Variants in COL4A1 observed in about 807,000 individuals in gnomAD.
COL4A1 encodes collagen alpha-1(IV) chain.
A neutral mutation model predicts 216.6 loss-of-function variants in COL4A1; 40 were observed. The ratio of observed to expected loss-of-function variants is 0.18; its 90% CI spans 0.14 to 0.24. The LOEUF (loss-of-function observed/expected upper bound fraction) is 0.24, where lower values mean the gene tolerates loss of function less well. Among genes scored for constraint, COL4A1 ranks in the 10% least tolerant of loss-of-function variants. The probability of loss-of-function intolerance (pLI) is 1.00; values close to 1 mark genes in which losing one functional copy is unlikely to be tolerated. For missense variants in COL4A1, 1,628 were observed against 2,196.8 expected, an observed-to-expected ratio of 0.74 and a Z score of 5.18; for synonymous variants, 839 against 810.7, an observed-to-expected ratio of 1.03 and a Z score of -0.59.
chr13:110,232,584 C>T (rs186012366), intron 2 of COL4A1, among the ~76,000 whole-genome samples: 24 of 152,248 alleles, frequency 1.6e-4, no homozygotes, highest in African/African-American at 4.1e-4. Flanking sequence ...GAAAAGAAAG[C>T]TATTTTCCTG....
intron 1 of COL4A1, among the ~76,000 whole-genome samples, chr13:110,272,208 T>C (rs966632093): frequency 2.0e-5 from 3 of 152,240 alleles, no homozygotes; most frequent in Admixed American, 1.3e-4. Context: ...GAACTAAAAG[T>C]CAGACCTCTT....
At chr13:110,304,238 C>G (rs1246153045) in intron 1 of COL4A1, among the ~76,000 whole-genome samples, 1 of 152,152 alleles carries the variant, frequency 6.6e-6, no homozygotes, top group Admixed American at 6.5e-5. Flanking sequence ...GGGACTGATT[C>G]AGAAACCAGC....
chr13:110,187,220 G>T lies in COL4A1; in HGVS notation c.1646C>A (p.Pro549Gln), dbSNP rs1372322974. ...TCTCCCTGGCATGCCGGGCTGTCCT[G>T]GAAAGCCTGGGTCTCCTTTGTCACC... ...LKGDKGDPGF[P>Q]GQPGMPGRAG... is the part of the protein sequence containing the mutation. Residue 549 changes from proline to glutamine, a missense_variant, in exon 25 of 52, where the codon CCA becomes CAA. This residue lies in a region of COL4A1 where 701 missense variants were observed against 892.5 expected (regional missense o/e 0.79). Coordinates refer to ENST00000375820, the MANE Select transcript of COL4A1 (RefSeq NM_001845.6). 6.2e-7 allele frequency: 1 copy of T among 1,613,944 alleles called. No homozygotes were observed. Among genetic ancestry groups the T allele is most frequent in the Non-Finnish European group, 8.5e-7 (1 of 1,179,916 alleles).
chr13:110,264,691 A>G (rs1328243711), intron 1 of COL4A1, among the ~76,000 whole-genome samples: 2 of 152,164 alleles, frequency 1.3e-5, no homozygotes, highest in Admixed American at 6.5e-5. Flanking sequence ...AAAGTATTAA[A>G]TAATATTCTC....
At chr13:110,201,301 CGGAGGAAGAGAAGGAGGGGGA>C (rs755546544) in intron 19 of COL4A1, 116 bp downstream of exon 19, 9 of 427,220 alleles carry the variant, frequency 2.1e-5, no homozygotes, top group African/African-American at 7.6e-5. Flanking sequence ...AAGGAGGGGG[CGGAGGAAGAGAAGGAGGGGGA>C]GGAGGAAGGA....
intron 1 of COL4A1, among the ~76,000 whole-genome samples, chr13:110,254,008 A>C (rs926850448): frequency 3.3e-5 from 5 of 152,078 alleles, no homozygotes; most frequent in Non-Finnish European, 7.4e-5. Context: ...GCTCCAAAAT[A>C]TAAAACTTTT....
At chr13:110,219,858 A>G (rs201914445) in intron 2 of COL4A1, among the ~76,000 whole-genome samples, 4 of 88,456 alleles carry the variant, frequency 4.5e-5, no homozygotes, top group African/African-American at 9.1e-5. Context: ...ATATATATGT[A>G]TATATGTGTG....
chr13:110,210,847 C>T (rs961502226), intron 8 of COL4A1, among the ~76,000 whole-genome samples: 1 of 152,164 alleles, frequency 6.6e-6, no homozygotes, highest in Non-Finnish European at 1.5e-5. Flanking sequence ...TCTGCCCACA[C>T]ACCACCTTCA....
At chr13:110,257,419 C>G (rs527707349) in intron 1 of COL4A1, among the ~76,000 whole-genome samples, 1 of 152,284 alleles carries the variant, frequency 6.6e-6, no homozygotes, top group East Asian at 1.9e-4. Flanking sequence ...GGCTGGTAAA[C>G]CAAAAATGCT....
intron 2 of COL4A1, among the ~76,000 whole-genome samples, chr13:110,216,008 A>G (rs1880055018): frequency 6.6e-6 from 1 of 152,228 alleles, no homozygotes; most frequent in African/African-American, 2.4e-5. Flanking sequence ...GTGGATAAAT[A>G]TGGGAGAGAT....
chr13:110,291,963 G>A (rs1884107064), intron 1 of COL4A1, among the ~76,000 whole-genome samples: 1 of 152,214 alleles, frequency 6.6e-6, no homozygotes, highest in Non-Finnish European at 1.5e-5. Context: ...AAACCAAAAT[G>A]CAGCTGAGAA....
Position 110,207,682 on chromosome 13 carries a change from A to G in COL4A1, c.694-193T>C, listed in dbSNP as rs1221300253. On this transcript the variant is annotated intron_variant, in intron 12 of 51. Coordinates refer to ENST00000375820, the MANE Select transcript of COL4A1 (RefSeq NM_001845.6). This position sits in a 1 kb window ranked among gnomAD's most constrained non-coding sequence, Gnocchi z 4.4. ...GGAAGATGATACAACAAGTATCTAA[A>G]CCCAGGAGGAGAATTTCACTTCTTC... 1.3e-5 allele frequency among the ~76,000 whole-genome samples: 2 copies of G among 152,324 alleles called. No individual in the cohort carries two copies. The highest frequency in any genetic ancestry group is 2.1e-4 in the South Asian group (1 of 4,824).
chr13:110,171,814 A>G (rs1877655188), intron 41 of COL4A1, among the ~76,000 whole-genome samples: 1 of 152,148 alleles, frequency 6.6e-6, no homozygotes, highest in African/African-American at 2.4e-5. Context: ...GCCCACAGCG[A>G]CCCCTTGAGC....
At chr13:110,162,487 T>C (rs1566340634) in intron 47 of COL4A1, 45 bp from the exon 48 acceptor site, 6 of 1,332,970 alleles carry the variant, frequency 4.5e-6, no homozygotes, top group Non-Finnish European at 6.5e-6. Context: ...ACAAACACGC[T>C]CCCCTAAAGG....
At chr13:110,306,651 G>A (rs948484035) in intron 1 of COL4A1, among the ~76,000 whole-genome samples, 8 of 152,168 alleles carry the variant, frequency 5.3e-5, no homozygotes, top group Non-Finnish European at 1.0e-4. Context: ...TTCAAATCCC[G>A]CCGGCTCCCA....
chr13:110,158,123 G>C (rs2138423872), intron 49 of COL4A1, among the ~76,000 whole-genome samples: 1 of 152,320 alleles, frequency 6.6e-6, no homozygotes. Context: ...GTCAATATCT[G>C]GCAGCCACTC....
chr13:110,229,115 C>T (rs754736225), intron 2 of COL4A1, among the ~76,000 whole-genome samples: 1 of 152,216 alleles, frequency 6.6e-6, no homozygotes, highest in African/African-American at 2.4e-5. Flanking sequence ...GAATACATCA[C>T]CGAAAACATA....
rs55876963 is a variant in COL4A1, at chr13:110,261,054, A to AAAAAG, written c.85-18321_85-18320insCTTTT. On this transcript the variant is annotated intron_variant, in intron 1 of 51. Transcript: ENST00000375820. ...TCCGTCTCAAAAAAAAAAAAAAAAA[A>AAAAAG]GGCCAAAATAGTACATTTTCTGTTA... 1.3e-5 allele frequency among the ~76,000 whole-genome samples: 2 copies of AAAAAG among 148,416 alleles called. 1 individual carries two copies. The highest frequency in any genetic ancestry group is 3.0e-5 in the Non-Finnish European group (2 of 66,996).
chr13:110,166,101 A>C, intron 45 of COL4A1, 131 bp downstream of exon 45: 1 of 759,158 alleles, frequency 1.3e-6, no homozygotes, highest in Non-Finnish European at 2.5e-6. Context: ...AGAATTCCCT[A>C]TCAATTGTTT....
Sources: allele counts gnomAD v4.1 joint callset (sites outside exome capture counted in the v4.1 genomes callset), GRCh38; gene constraint gnomAD v4.1.1; regional missense constraint gnomAD v4.1.1; non-coding constraint Gnocchi (gnomAD v3.1); transcripts MANE v1.5; gene names NCBI Gene and HGNC (gene_info 2026-07-23, HGNC 2026-07-21).